The following FMN1 variants were observed in gnomAD, a reference collection of about 807,000 sequenced individuals.
The protein encoded by FMN1 is formin-1.
FMN1 carries 110 observed loss-of-function variants against 132.4 expected under a neutral mutation model. That is an observed-to-expected ratio of 0.83 (90% CI 0.71 to 0.97). FMN1 has a LOEUF of 0.97. Among genes scored for constraint, FMN1 ranks in the 50% least tolerant of loss-of-function variants. The pLI is 0.00. For synonymous variants in FMN1, 722 were observed against 651.7 expected, an observed-to-expected ratio of 1.11 and a Z score of -1.64; for missense variants, 1,792 against 1,705.3, an observed-to-expected ratio of 1.05 and a Z score of -0.90.
At chr15:33,134,819 T>C (rs1156557624) in intron 4 of FMN1, among the ~76,000 whole-genome samples, 1 of 152,184 alleles carries the variant, frequency 6.6e-6, no homozygotes, top group Non-Finnish European at 1.5e-5. Flanking sequence ...CTGGCGAACA[T>C]GGCAAAACCC....
intron 17 of FMN1, among the ~76,000 whole-genome samples, chr15:32,856,504 G>C (rs778519731): frequency 5.9e-5 from 9 of 152,150 alleles, no homozygotes; most frequent in Non-Finnish European, 1.3e-4. Flanking sequence ...AACCCCCAGA[G>C]GGCTGATAGG....
At chr15:32,940,951 C>G (rs1321734769) in intron 9 of FMN1, among the ~76,000 whole-genome samples, 1 of 152,090 alleles carries the variant, frequency 6.6e-6, no homozygotes, top group Non-Finnish European at 1.5e-5. Context: ...GTATTAGCAT[C>G]CAGCTTCATC....
chr15:32,859,284 C>G (rs562877220), intron 16 of FMN1, among the ~76,000 whole-genome samples: 1 of 152,300 alleles, frequency 6.6e-6, no homozygotes, highest in African/African-American at 2.4e-5. Context: ...GGGTTCTCAT[C>G]ACAAATTCAA....
chr15:32,936,226 G>C (rs1005337759), intron 9 of FMN1, among the ~76,000 whole-genome samples: 1 of 151,970 alleles, frequency 6.6e-6, no homozygotes, highest in African/African-American at 2.4e-5. Flanking sequence ...TTTAGGATTG[G>C]TTTGATTTCT....
At chr15:32,843,624 A>T (rs1014310204) in intron 17 of FMN1, among the ~76,000 whole-genome samples, 3 of 152,232 alleles carry the variant, frequency 2.0e-5, no homozygotes, top group African/African-American at 7.2e-5. Context: ...ACAATTACTC[A>T]CGCCACATTT....
intron 4 of FMN1, chr15:33,150,413 G>C: frequency 1.0e-6 from 1 of 985,428 alleles, no homozygotes; most frequent in Non-Finnish European, 1.2e-6. Context: ...AGAAAAACCT[G>C]ACTACCAGTT....
At chr15:33,085,207 C>A (rs1397129814) in intron 5 of FMN1, among the ~76,000 whole-genome samples, 1 of 152,130 alleles carries the variant, frequency 6.6e-6, no homozygotes, top group Non-Finnish European at 1.5e-5. Flanking sequence ...ACCCATCACC[C>A]AAGCAGTATA....
intron 6 of FMN1, among the ~76,000 whole-genome samples, chr15:33,062,344 A>T (rs925483762): frequency 2.0e-5 from 3 of 152,214 alleles, no homozygotes; most frequent in African/African-American, 7.2e-5. Flanking sequence ...ACAGTAGGCC[A>T]GGCACGGTGG....
chr15:32,822,149 G>C (rs1235112385), intron 17 of FMN1, among the ~76,000 whole-genome samples: 1 of 152,082 alleles, frequency 6.6e-6, no homozygotes, highest in Admixed American at 6.5e-5. Flanking sequence ...AGGAGTTCGA[G>C]ACCAGCCTGG....
chr15:32,868,745 AT>A (rs964897627), intron 16 of FMN1, among the ~76,000 whole-genome samples: 41 of 150,774 alleles, frequency 2.7e-4, no homozygotes, highest in Non-Finnish European at 2.7e-4. Flanking sequence ...CGAGATACAC[AT>A]TTTTTTTTAA....
intron 16 of FMN1, among the ~76,000 whole-genome samples, chr15:32,866,392 T>TG (rs1278440800): frequency 6.6e-6 from 1 of 152,098 alleles, no homozygotes; most frequent in African/African-American, 2.4e-5. Context: ...AATAAACATG[T>TG]GAAAAAAAAG....
intron 3 of FMN1, among the ~76,000 whole-genome samples, chr15:33,168,037 C>A (rs1050713407): frequency 1.2e-4 from 18 of 152,242 alleles, no homozygotes; most frequent in Middle Eastern, 6.8e-3. Flanking sequence ...TATTCATGGG[C>A]CAACTGTAAT....
At chr15:33,046,069 T>C (rs2036667512) in intron 6 of FMN1, among the ~76,000 whole-genome samples, 1 of 152,126 alleles carries the variant, frequency 6.6e-6, no homozygotes, top group South Asian at 2.1e-4. Context: ...TTTAATTTAT[T>C]ATTACTGTTA....
chr15:33,131,308 G>A (rs1963535950), intron 4 of FMN1, among the ~76,000 whole-genome samples: 1 of 129,896 alleles, frequency 7.7e-6, no homozygotes, highest in South Asian at 2.6e-4. Context: ...CAGCCTGGGT[G>A]ACAGAGTGAG....
chr15:32,841,978 G>T (rs940638141), intron 17 of FMN1, among the ~76,000 whole-genome samples: 1 of 152,136 alleles, frequency 6.6e-6, no homozygotes, highest in Non-Finnish European at 1.5e-5. Context: ...TTAGGACACC[G>T]TGGTAGCTTG....
At chr15:33,041,281 G>A (rs951507478) in intron 6 of FMN1, among the ~76,000 whole-genome samples, 16 of 150,878 alleles carry the variant, frequency 1.1e-4, no homozygotes, top group African/African-American at 3.4e-4. Context: ...TCTTCAACCC[G>A]TAACACCTAA....
intron 9 of FMN1, among the ~76,000 whole-genome samples, chr15:32,934,993 C>A (rs1170112262): frequency 5.3e-5 from 8 of 151,782 alleles, no homozygotes; most frequent in Non-Finnish European, 4.4e-5. Flanking sequence ...ATGATCTCCA[C>A]TCACTGCAAC....
intron 4 of FMN1, among the ~76,000 whole-genome samples, chr15:33,146,902 C>T (rs987586165): frequency 6.6e-6 from 1 of 152,076 alleles, no homozygotes; most frequent in Non-Finnish European, 1.5e-5. Flanking sequence ...ACAAAACAGG[C>T]CGTGGCTCAC....
At chr15:33,130,241 C>T (rs1024589556) in intron 4 of FMN1, among the ~76,000 whole-genome samples, 8 of 152,158 alleles carry the variant, frequency 5.3e-5, no homozygotes, top group African/African-American at 1.9e-4. Flanking sequence ...TTTATTATAA[C>T]TATTTATGTC....
Sources: allele counts gnomAD v4.1 joint callset (sites outside exome capture counted in the v4.1 genomes callset), GRCh38; gene constraint gnomAD v4.1.1; transcripts MANE v1.5; gene names NCBI Gene and HGNC (gene_info 2026-07-23, HGNC 2026-07-21).